Variants in MSRA observed in about 807,000 individuals in gnomAD.
The protein encoded by MSRA is methionine sulfoxide reductase A, also known as mitochondrial peptide methionine sulfoxide reductase.
In MSRA, 54 loss-of-function variants were observed where a neutral mutation model predicts 31.3. That is an observed-to-expected ratio of 1.73 (90% CI 1.39 to 2.17). The LOEUF is 2.17. Ranked by LOEUF, MSRA falls within the 30% of genes most tolerant of loss-of-function variation. The pLI is 0.00. For synonymous variants in MSRA, 169 were observed against 116.5 expected (o/e 1.45, Z -2.90); for missense variants, 507 against 300.9 (o/e 1.69, Z -5.07).
chr8:10,150,188 A>G (rs1488682539), intron 1 of MSRA, among the ~76,000 whole-genome samples: 1 of 152,044 alleles, frequency 6.6e-6, no homozygotes, highest in Non-Finnish European at 1.5e-5. Flanking sequence ...CGTGGCTTCT[A>G]GGATGTCCTT....
intron 2 of MSRA, among the ~76,000 whole-genome samples, chr8:10,242,891 T>G (rs1401165445): frequency 2.0e-5 from 3 of 152,164 alleles, no homozygotes; most frequent in Non-Finnish European, 4.4e-5. Flanking sequence ...CATATTCCAG[T>G]CCCTGAGACG....
At chr8:10,117,659 T>A (rs1258533738) in intron 1 of MSRA, among the ~76,000 whole-genome samples, 2 of 152,248 alleles carry the variant, frequency 1.3e-5, no homozygotes, top group Non-Finnish European at 2.9e-5. Context: ...GAAAACAATA[T>A]GTGGACTTGC....
chr8:10,295,263 C>A (rs925618919), intron 3 of MSRA, among the ~76,000 whole-genome samples: 1 of 152,094 alleles, frequency 6.6e-6, no homozygotes, highest in Non-Finnish European at 1.5e-5. Flanking sequence ...CACCTGACTT[C>A]AAGGCTCAAG....
chr8:10,261,701 T>C (rs1442864674), intron 3 of MSRA, among the ~76,000 whole-genome samples: 5 of 152,234 alleles, frequency 3.3e-5, no homozygotes, highest in Non-Finnish European at 7.3e-5. Flanking sequence ...GATGGGCCAA[T>C]ACTGATATGT....
intron 1 of MSRA, among the ~76,000 whole-genome samples, chr8:10,073,723 C>T (rs1797853434): frequency 6.6e-6 from 1 of 151,816 alleles, no homozygotes; most frequent in South Asian, 2.1e-4. Flanking sequence ...GATCTAGTTG[C>T]CTTCTAAAGG....
At chr8:10,210,656 A>T (rs1000013843) in intron 2 of MSRA, among the ~76,000 whole-genome samples, 3 of 152,264 alleles carry the variant, frequency 2.0e-5, no homozygotes, top group African/African-American at 7.2e-5. Flanking sequence ...CAGTGATGGC[A>T]CTTGTAATTG....
At chr8:10,118,324 A>G (rs983958973) in intron 1 of MSRA, among the ~76,000 whole-genome samples, 1 of 152,118 alleles carries the variant, frequency 6.6e-6, no homozygotes, top group Non-Finnish European at 1.5e-5. Context: ...CGTGCAGTGA[A>G]CCATGGGAAG....
intron 5 of MSRA, among the ~76,000 whole-genome samples, chr8:10,423,337 G>T (rs1808927577): frequency 6.6e-6 from 1 of 152,202 alleles, no homozygotes; most frequent in Non-Finnish European, 1.5e-5. Context: ...AAGCATTGGT[G>T]TGTCAGCCAT....
chr8:10,339,218 T>C (rs948078930), intron 5 of MSRA, among the ~76,000 whole-genome samples: 1 of 152,210 alleles, frequency 6.6e-6, no homozygotes, highest in Non-Finnish European at 1.5e-5. Context: ...AGCGATGATG[T>C]TGGAGTTGCA....
intron 3 of MSRA, among the ~76,000 whole-genome samples, 157 bp downstream of exon 3, chr8:10,245,380 T>C (rs920961084): frequency 6.6e-6 from 1 of 152,264 alleles, no homozygotes; most frequent in Non-Finnish European, 1.5e-5. Context: ...CTTCTCACTT[T>C]ATATGTTTAG....
At chr8:10,082,479 A>T (rs1227356382) in intron 1 of MSRA, among the ~76,000 whole-genome samples, 1 of 152,076 alleles carries the variant, frequency 6.6e-6, no homozygotes, top group African/African-American at 2.4e-5. Context: ...AACATACGTC[A>T]TCTTTTCTCC....
chr8:10,198,955 G>T (rs1001406956), intron 1 of MSRA, among the ~76,000 whole-genome samples: 4 of 152,214 alleles, frequency 2.6e-5, no homozygotes, highest in Admixed American at 2.0e-4. Context: ...CCTGGTCAGT[G>T]CTCGGCATTG....
At chr8:10,283,868 C>CACAT (rs1479551088) in intron 3 of MSRA, among the ~76,000 whole-genome samples, 1 of 132,030 alleles carries the variant, frequency 7.6e-6, no homozygotes, top group African/African-American at 2.7e-5. Flanking sequence ...CACACACACA[C>CACAT]ATATATATTA....
At chr8:10,332,941 C>T (rs540949382) in intron 5 of MSRA, among the ~76,000 whole-genome samples, 1 of 152,334 alleles carries the variant, frequency 6.6e-6, no homozygotes, top group South Asian at 2.1e-4. Context: ...ATATGAGTCC[C>T]TGGGTGGAGC....
intron 3 of MSRA, among the ~76,000 whole-genome samples, chr8:10,245,933 C>T (rs1797601136): frequency 6.6e-6 from 1 of 152,208 alleles, no homozygotes; most frequent in Non-Finnish European, 1.5e-5. Flanking sequence ...CCGCATGAGA[C>T]AGACATTTCA....
At chr8:10,110,716 G>A (rs1381327499) in intron 1 of MSRA, among the ~76,000 whole-genome samples, 1 of 152,178 alleles carries the variant, frequency 6.6e-6, no homozygotes, top group African/African-American at 2.4e-5. Flanking sequence ...TGGCTGACCT[G>A]TGCTGTCTTT....
At chr8:10,403,872 T>G (rs1807624622) in intron 5 of MSRA, among the ~76,000 whole-genome samples, 1 of 152,136 alleles carries the variant, frequency 6.6e-6, no homozygotes, top group Non-Finnish European at 1.5e-5. Flanking sequence ...TCCCATCTGG[T>G]GCACAGGGAT....
chr8:10,219,345 G>A (rs920406099), intron 2 of MSRA, among the ~76,000 whole-genome samples: 2 of 152,248 alleles, frequency 1.3e-5, no homozygotes, highest in East Asian at 1.9e-4. Flanking sequence ...AAAACTGTTC[G>A]TGGTTATCAC....
intron 4 of MSRA, among the ~76,000 whole-genome samples, chr8:10,303,573 C>T (rs2129126722): frequency 6.6e-6 from 1 of 152,270 alleles, no homozygotes; most frequent in South Asian, 2.1e-4. Context: ...ATCCAGTCTC[C>T]CCAGCTGAAT....
Sources: allele counts gnomAD v4.1 joint callset (sites outside exome capture counted in the v4.1 genomes callset), GRCh38; gene constraint gnomAD v4.1.1; transcripts MANE v1.5; gene names NCBI Gene and HGNC (gene_info 2026-07-23, HGNC 2026-07-21).